The following SFMBT1 variants were observed in gnomAD, a reference collection of about 807,000 sequenced individuals.
The protein encoded by SFMBT1 is Scm like with four mbt domains 1, also known as scm-like with four MBT domains protein 1.
In SFMBT1, 32 loss-of-function variants were observed where a neutral mutation model predicts 108.7. That is an observed-to-expected ratio of 0.29 (90% CI 0.22 to 0.40). The LOEUF is 0.40. Among genes scored for constraint, SFMBT1 ranks in the 10% least tolerant of loss-of-function variants. SFMBT1 has a pLI of 1.00. For missense variants in SFMBT1, 816 were observed against 1,059.6 expected (o/e 0.77, Z 3.19); for synonymous variants, 348 against 369.5 (o/e 0.94, Z 0.67).
rs751860494 is a variant in SFMBT1, at chr3:52,912,502, G to A, written c.1730+36C>T. ...CGATTCTGTGACTTTTTAAAGACAA[G>A]TAAAAGTAAAGAGTAAAAACAAGTA... On this transcript the variant is annotated intron_variant, in intron 16 of 20. Transcript: ENST00000394752. 3.2e-6 allele frequency: 5 copies of A among 1,559,044 alleles called. No individual in the cohort carries two copies. In the South Asian group the frequency reaches 4.4e-5, roughly 14 times the overall value.
chr3:53,044,197 C>G (rs1325415162), intron 1 of SFMBT1, among the ~76,000 whole-genome samples: 3 of 152,240 alleles, frequency 2.0e-5, no homozygotes, highest in African/African-American at 7.2e-5. Flanking sequence ...TAAAGACACA[C>G]ATTGCGAGCA....
At chr3:52,920,456 G>T in intron 12 of SFMBT1, 81 bp downstream of exon 12, 3 of 958,290 alleles carry the variant, frequency 3.1e-6, no homozygotes, top group African/African-American at 1.6e-5. Flanking sequence ...TCTCTGAAAT[G>T]TCCAGATTAG....
chr3:53,036,534 G>A (rs1440272527), intron 1 of SFMBT1, among the ~76,000 whole-genome samples: 2 of 152,260 alleles, frequency 1.3e-5, no homozygotes, highest in Non-Finnish European at 2.9e-5. Context: ...GCCCACTAGA[G>A]GACTGGCGTC....
intron 3 of SFMBT1, among the ~76,000 whole-genome samples, chr3:52,947,224 T>A (rs1703401306): frequency 6.6e-6 from 1 of 151,418 alleles, no homozygotes; most frequent in Non-Finnish European, 1.5e-5. Flanking sequence ...TTCACGCCAT[T>A]CTCCTGCCTC....
intron 1 of SFMBT1, among the ~76,000 whole-genome samples, chr3:53,031,009 A>G (rs1699666140): frequency 6.6e-6 from 1 of 152,204 alleles, no homozygotes; most frequent in African/African-American, 2.4e-5. Context: ...ATTTCCAAGC[A>G]TGATGCGGGG....
At chr3:52,917,079 A>C (rs539271079) in intron 13 of SFMBT1, among the ~76,000 whole-genome samples, 1 of 142,074 alleles carries the variant, frequency 7.0e-6, no homozygotes, top group South Asian at 2.6e-4. Context: ...TTGGCAACTA[A>C]GTCAAGGAAA....
chr3:52,932,252 A>G lies in SFMBT1; in HGVS notation c.510T>C (p.Cys170=), dbSNP rs370822588. The change falls in exon 6 of 21, where the codon TGT becomes TGC. Residue 170 remains cysteine, a synonymous_variant. Coordinates refer to ENST00000394752, the MANE Select transcript of SFMBT1 (RefSeq NM_016329.4). ...TGCTTAAAGAGTCCTGGAAAGCTTG[A>G]CATTCTAGTCTGGATCCTGGAGCAA... ...DLIAPGSRLE[C]QAFQDSLSTW... The G allele has an allele frequency of 6.2e-7, 1 of 1,614,086 alleles. No individual in the cohort carries two copies. The highest frequency in any genetic ancestry group is 8.5e-7 in the Non-Finnish European group (1 of 1,180,030).
intron 1 of SFMBT1, among the ~76,000 whole-genome samples, chr3:52,982,299 T>C (rs1156617330): frequency 6.6e-6 from 1 of 152,176 alleles, no homozygotes; most frequent in African/African-American, 2.4e-5. Flanking sequence ...CCATCAAGCC[T>C]GAAACAATAG....
chr3:52,985,719 C>A (rs575932247), intron 1 of SFMBT1, among the ~76,000 whole-genome samples: 5 of 152,264 alleles, frequency 3.3e-5, no homozygotes, highest in African/African-American at 1.2e-4. Context: ...CTACTATACA[C>A]CTAGGCTATA....
intron 14 of SFMBT1, among the ~76,000 whole-genome samples, chr3:52,915,386 C>G (rs997782537): frequency 2.0e-5 from 3 of 152,234 alleles, no homozygotes; most frequent in Non-Finnish European, 4.4e-5. Context: ...TCCTAACCCT[C>G]TATGTACAAA....
chr3:53,038,499 C>CG (rs1208232339), intron 1 of SFMBT1, among the ~76,000 whole-genome samples: 9 of 152,122 alleles, frequency 5.9e-5, no homozygotes, highest in Non-Finnish European at 1.2e-4. Flanking sequence ...GGCCTCCCCC[C>CG]GGTAACAAAC....
chr3:52,969,219 G>C lies in SFMBT1; in HGVS notation c.-91C>G, dbSNP rs1009418521. 6.9e-6 allele frequency: 11 copies of C among 1,590,042 alleles called. No homozygotes were observed. Among genetic ancestry groups the C allele is most frequent in the East Asian group, 6.7e-5 (3 of 44,652 alleles). On this transcript the variant is annotated 5_prime_UTR_variant, in exon 2 of 21. Transcript: ENST00000394752. Reference sequence around the variant, plus strand: ...TCTGAAGATTACTTGCAGGTTTCAAGCATCTGTTCAATGGGTATCCACGGG... The same window carrying C: ...TCTGAAGATTACTTGCAGGTTTCAACCATCTGTTCAATGGGTATCCACGGG...
intron 1 of SFMBT1, among the ~76,000 whole-genome samples, chr3:52,975,246 A>G (rs1704478800): frequency 6.6e-6 from 1 of 152,242 alleles, no homozygotes; most frequent in African/African-American, 2.4e-5. Flanking sequence ...AGTAAAATAT[A>G]GCATAAGCAT....
rs532887419 is a variant in SFMBT1 at position 52,929,904 on chromosome 3, C to T, written c.897+425G>A. Among the ~76,000 whole-genome samples the T allele has an allele frequency of 2.0e-5, 3 of 152,340 alleles. No individual in the cohort carries two copies. In the East Asian group the frequency reaches 5.8e-4, roughly 29 times the overall value. ...TGAATCTGGAATACATAGCTGGAGC[C>T]AGTCCACTGCCAGAACTTTTAACAC... is the stretch of plus-strand genomic sequence containing the variant. On this transcript the variant is annotated intron_variant, in intron 8 of 20. Transcript: ENST00000394752.
intron 1 of SFMBT1, among the ~76,000 whole-genome samples, chr3:52,982,729 C>CAAAAAAAAAAAAAAAAAAAAAAA (rs34099481): frequency 7.2e-5 from 5 of 69,122 alleles, no homozygotes; most frequent in African/African-American, 2.6e-4. Flanking sequence ...ACTCCCATCT[C>CAAAAAAAAAAAAAAAAAAAAAAA]AAAAAAAAAA....
chr3:53,043,399 T>C (rs958945817), intron 1 of SFMBT1: 1 of 152,244 alleles, frequency 6.6e-6, no homozygotes, highest in Non-Finnish European at 1.5e-5. Context: ...GACTATCCTG[T>C]ATATATAAGT....
intron 1 of SFMBT1, among the ~76,000 whole-genome samples, chr3:53,036,286 C>T (rs1699866565): frequency 1.3e-5 from 2 of 152,194 alleles, no homozygotes; most frequent in Admixed American, 1.3e-4. Context: ...TTCACCCCTA[C>T]TCCACTAGGA....
chr3:53,014,036 A>G (rs554929896), intron 1 of SFMBT1, among the ~76,000 whole-genome samples: 102 of 152,190 alleles, frequency 6.7e-4, no homozygotes, highest in Non-Finnish European at 1.3e-3. Context: ...CTTCCATCCC[A>G]CCACCATTTG....
rs1248143217 is a variant in SFMBT1, at chr3:52,945,136, T to A, written c.124-1543A>T. Among the ~76,000 whole-genome samples the A allele has an allele frequency of 1.2e-3, 60 of 48,510 alleles. 1 individual carries two copies. Among genetic ancestry groups the A allele is most frequent in the Non-Finnish European group, 1.6e-3 (35 of 22,196 alleles). The allele number at this position is 48,510 out of a possible 152,430, so 31.8% of individuals were successfully genotyped here. A position where few individuals can be genotyped will look rare whatever the true frequency, so the allele number is the denominator to read the frequency against. On this transcript the variant is annotated intron_variant, in intron 3 of 20. Coordinates refer to ENST00000394752, the MANE Select transcript of SFMBT1 (RefSeq NM_016329.4). ...TGATTTCCAAATACCACCTTCCAAT[T>A]AAAAAAAAAAAAAAACAAGGACTTC... is the stretch of plus-strand genomic sequence containing the variant.
Sources: allele counts gnomAD v4.1 joint callset (sites outside exome capture counted in the v4.1 genomes callset), GRCh38; gene constraint gnomAD v4.1.1; transcripts MANE v1.5; gene names NCBI Gene and HGNC (gene_info 2026-07-23, HGNC 2026-07-21).